The following SH3BGRL variants were observed in gnomAD, a reference collection of about 807,000 sequenced individuals.
SH3BGRL encodes SH3 domain binding glutamate rich protein like.
Under a neutral mutation model 9.8 loss-of-function variants are expected in SH3BGRL, and 7 were observed. The observed-to-expected ratio is 0.72, with a 90% CI of 0.41 to 1.35. The LOEUF (loss-of-function observed/expected upper bound fraction) is 1.35. SH3BGRL is among the 40% of genes most tolerant of loss of function. SH3BGRL has a pLI of 0.01. For missense variants in SH3BGRL, 73 were observed against 84.4 expected (o/e 0.86, Z 0.53); for synonymous variants, 36 against 29.1 (o/e 1.24, Z -0.76).
At chrX:81,213,281 C>A (rs982037982) in intron 1 of SH3BGRL, among the ~76,000 whole-genome samples, 4 of 112,227 alleles carry the variant, frequency 3.6e-5, no homozygotes, top group African/African-American at 1.3e-4. Flanking sequence ...TACACCCACA[C>A]CTCCACAAAG....
At chrX:81,272,763 T>C (rs914560264) in intron 1 of SH3BGRL, among the ~76,000 whole-genome samples, 31 of 111,149 alleles carry the variant, frequency 2.8e-4, no homozygotes, top group Middle Eastern at 9.2e-3. Context: ...CTTCCCAAAG[T>C]GCTGGGATTA....
chrX:81,222,684 G>T (rs1194166873), intron 1 of SH3BGRL, among the ~76,000 whole-genome samples: 1 of 111,015 alleles, frequency 9.0e-6, no homozygotes. Flanking sequence ...TTGGGTATAT[G>T]CCCAGTAATG....
intron 1 of SH3BGRL, among the ~76,000 whole-genome samples, chrX:81,267,869 A>T (rs749909242): frequency 1.8e-5 from 2 of 111,828 alleles, no homozygotes; most frequent in East Asian, 5.6e-4. Context: ...GTGCTAGGCT[A>T]TTAATTATTG....
intron 1 of SH3BGRL, among the ~76,000 whole-genome samples, chrX:81,251,362 C>T (rs1238804373): frequency 9.2e-6 from 1 of 109,224 alleles, no homozygotes; most frequent in African/African-American, 3.3e-5. Context: ...TTGACTAGCT[C>T]GCTTCCGCTT....
chrX:81,238,239 G>T lies in SH3BGRL; in HGVS notation c.45+35994G>T, dbSNP rs565028594. ...ACTCTTGGATGGTATTTCTGGACCT[G>T]CCCTGGGCCTGAAGGGAGCCCACTG... On this transcript the variant is annotated intron_variant, in intron 1 of 3. Transcript: ENST00000373212. Among the ~76,000 whole-genome samples the T allele has an allele frequency of 2.9e-3, 319 of 110,542 alleles. 2 individuals are homozygous for T. The South Asian group carries it at 0.03, about 10-fold the overall frequency.
intron 1 of SH3BGRL, among the ~76,000 whole-genome samples, chrX:81,269,529 A>G (rs1231331959): frequency 1.8e-5 from 2 of 111,824 alleles, no homozygotes; most frequent in African/African-American, 6.5e-5. Context: ...TTCTTTAAGA[A>G]TGTTGAATAT....
At chrX:81,246,460 A>G (rs1473724725) in intron 1 of SH3BGRL, among the ~76,000 whole-genome samples, 1 of 111,875 alleles carries the variant, frequency 8.9e-6, no homozygotes. Flanking sequence ...TAAATATTTA[A>G]TTCACCTTGA....
rs750277544 is a variant in SH3BGRL, at chrX:81,291,456, A to G, written c.313-5739A>G. ...CATTAGAAACCACCCCCCATGATCCAATCAGCTCTCACCAGGCCCCTCCTC... is the reference window on the plus strand; with the variant it reads ...CATTAGAAACCACCCCCCATGATCCGATCAGCTCTCACCAGGCCCCTCCTC... On this transcript the variant is annotated intron_variant, in intron 3 of 3. Coordinates refer to ENST00000373212, the MANE Select transcript of SH3BGRL (RefSeq NM_003022.3). Among the ~76,000 whole-genome samples, 4 of 111,455 alleles carry G rather than the reference A, an allele frequency of 3.6e-5. No homozygotes were observed. In the South Asian group the frequency reaches 1.5e-3, roughly 42 times the overall value.
rs376167433 is a variant in SH3BGRL at position 81,273,037 on chromosome X, A to G, written c.46-3947A>G. ...AGAAATTGTGAGCATCCATTTAGAA[A>G]GTTTCCAAGTTTATTTTGTAATACT... On this transcript the variant is annotated intron_variant, in intron 1 of 3. Transcript: ENST00000373212. 1.2e-4 allele frequency among the ~76,000 whole-genome samples: 13 copies of G among 112,206 alleles called. No individual in the cohort carries two copies. The East Asian group carries it at 2.2e-3, about 19-fold the overall frequency.
At chrX:81,208,020 G>T (rs745854756) in intron 1 of SH3BGRL, among the ~76,000 whole-genome samples, 84 of 111,773 alleles carry the variant, frequency 7.5e-4, no homozygotes, top group Non-Finnish European at 1.1e-3. Context: ...ACTTTGGGAG[G>T]CCGAGCTAGG....
chrX:81,254,515 C>A (rs1041778047), intron 1 of SH3BGRL, among the ~76,000 whole-genome samples: 78 of 112,064 alleles, frequency 7.0e-4, no homozygotes, highest in Middle Eastern at 4.2e-3. Flanking sequence ...TGTTTAATTT[C>A]TTTTGTAATG....
chrX:81,246,950 G>T (rs1248078655), intron 1 of SH3BGRL, among the ~76,000 whole-genome samples: 1 of 111,997 alleles, frequency 8.9e-6, no homozygotes, highest in African/African-American at 3.2e-5. Context: ...AGCATATAAA[G>T]TTTTTCCATT....
intron 1 of SH3BGRL, among the ~76,000 whole-genome samples, chrX:81,265,009 ATT>A (rs772578478): frequency 3.5e-4 from 32 of 91,884 alleles, no homozygotes; most frequent in East Asian, 3.5e-4. Flanking sequence ...GAATGACTGT[ATT>A]TTTTTTTTTT....
At chrX:81,232,363 C>A (rs770560612) in intron 1 of SH3BGRL, among the ~76,000 whole-genome samples, 15 of 106,644 alleles carry the variant, frequency 1.4e-4, no homozygotes, top group Non-Finnish European at 2.7e-4. Context: ...GATACAGTAA[C>A]GGTTCAATAA....
intron 1 of SH3BGRL, among the ~76,000 whole-genome samples, chrX:81,256,363 A>T (rs1008807303): frequency 2.7e-5 from 3 of 112,021 alleles, no homozygotes; most frequent in African/African-American, 9.7e-5. Flanking sequence ...CCAGAAATAT[A>T]TTGCTCCACA....
intron 3 of SH3BGRL, among the ~76,000 whole-genome samples, chrX:81,286,229 A>G (rs1274203710): frequency 1.8e-5 from 2 of 108,544 alleles, no homozygotes; most frequent in Admixed American, 2.0e-4. Context: ...CACAAAATAA[A>G]TATTTGGTGA....
At chrX:81,215,821 A>T (rs1433301776) in intron 1 of SH3BGRL, among the ~76,000 whole-genome samples, 1 of 111,926 alleles carries the variant, frequency 8.9e-6, no homozygotes, top group Non-Finnish European at 1.9e-5. Context: ...AAGTGTGGAA[A>T]GTAGATCCTA....
chrX:81,293,455 G>A (rs2075864462), intron 3 of SH3BGRL, among the ~76,000 whole-genome samples: 1 of 111,807 alleles, frequency 8.9e-6, no homozygotes, highest in Non-Finnish European at 1.9e-5. Flanking sequence ...GGTCGAGGCA[G>A]GTGGATCACT....
At chrX:81,278,562 C>T in intron 3 of SH3BGRL, 151 bp downstream of exon 3, 1 of 424,223 alleles carries the variant, frequency 2.4e-6, no homozygotes, top group Non-Finnish European at 4.1e-6. Context: ...CACTTAATTC[C>T]TATTAGGGCA....
Sources: gnomAD v4.1 joint callset for allele counts (sites outside exome capture counted in the v4.1 genomes callset) on GRCh38, gnomAD v4.1.1 for gene constraint, MANE v1.5 for transcripts, NCBI Gene and HGNC (gene_info 2026-07-23, HGNC 2026-07-21) for gene names.